Variants in PHIP observed in about 807,000 individuals in gnomAD.
The protein encoded by PHIP is PHIP subunit of CUL4-Ring ligase complex.
In PHIP, 54 loss-of-function variants were observed where a neutral mutation model predicts 236.8. That is an observed-to-expected ratio of 0.23 (90% CI 0.18 to 0.29). The LOEUF (loss-of-function observed/expected upper bound fraction) is 0.29. Ranked by LOEUF, PHIP falls within the 10% of genes least tolerant of loss-of-function variation. The pLI, the probability that PHIP is intolerant of heterozygous loss-of-function variation, is 1.00. For synonymous variants in PHIP, 756 were observed against 718.9 expected (o/e 1.05, Z -0.83); for missense variants, 1,370 against 2,190.8 (o/e 0.63, Z 7.48).
intron 4 of PHIP, chr6:79,067,566 GTTC>G (rs948005140): frequency 2.8e-4 from 43 of 152,128 alleles, no homozygotes; most frequent in African/African-American, 9.2e-4. Flanking sequence ...TCCATTGCAT[GTTC>G]TTATTTTTTA....
chr6:79,005,235 G>A (rs1298367436), intron 15 of PHIP, among the ~76,000 whole-genome samples: 1 of 151,984 alleles, frequency 6.6e-6, no homozygotes, highest in African/African-American at 2.4e-5. Flanking sequence ...TGTGAAGAAA[G>A]TTGGAGGATG....
intron 7 of PHIP, among the ~76,000 whole-genome samples, chr6:79,035,850 C>G (rs188760802): frequency 6.6e-6 from 1 of 152,110 alleles, no homozygotes; most frequent in African/African-American, 2.4e-5. Flanking sequence ...ACCAATCTAT[C>G]AGACCTGTGT....
At chr6:78,959,515 A>G (rs1279251851) in intron 31 of PHIP, among the ~76,000 whole-genome samples, 4 of 152,156 alleles carry the variant, frequency 2.6e-5, no homozygotes, top group Non-Finnish European at 5.9e-5. Flanking sequence ...ATTGAACTAG[A>G]AGTTTCACGA....
chr6:78,941,199 T>C lies in PHIP; in HGVS notation c.4960A>G (p.Ile1654Val), dbSNP rs754142588. 18 of 1,613,938 alleles carry C rather than the reference T, an allele frequency of 1.1e-5. No homozygotes were observed. The South Asian group carries it at 2.0e-4, about 18-fold the overall frequency. Residue 1654 changes from isoleucine to valine, a missense_variant, in exon 40 of 40, where the codon ATT becomes GTT. Coordinates refer to ENST00000275034, the MANE Select transcript of PHIP (RefSeq NM_017934.7). ...TTTCTACCCCTTTTCTTGTGTATAA[T>C]TTCACCACTATTGGTATTAACTTCT... is the stretch of plus-strand genomic sequence containing the variant. ...KVEVNTNSGE[I>V]IHKKRGRKPK...
intron 7 of PHIP, among the ~76,000 whole-genome samples, chr6:79,026,609 A>T (rs2127748797): frequency 6.6e-6 from 1 of 152,196 alleles, no homozygotes; most frequent in East Asian, 1.9e-4. Context: ...CCTATCACTG[A>T]TCTTCAGCTA....
intron 4 of PHIP, among the ~76,000 whole-genome samples, chr6:79,073,024 G>A (rs1301710183): frequency 6.6e-6 from 1 of 152,066 alleles, no homozygotes; most frequent in Non-Finnish European, 1.5e-5. Context: ...TTTACAGAAT[G>A]GAAAACAGAC....
At chr6:78,990,740 C>G (rs1769186841) in intron 20 of PHIP, 128 bp downstream of exon 20, 2 of 500,558 alleles carry the variant, frequency 4.0e-6, no homozygotes, top group African/African-American at 4.0e-5. Context: ...CAGAGATAAC[C>G]AAGATTTACT....
chr6:78,990,716 A>C, intron 20 of PHIP, 152 bp downstream of exon 20: 1 of 447,198 alleles, frequency 2.2e-6, no homozygotes, highest in Non-Finnish European at 3.9e-6. Flanking sequence ...TTAAATAGTA[A>C]ACAATAGATA....
At chr6:78,985,038 T>C (rs898723905) in intron 22 of PHIP, among the ~76,000 whole-genome samples, 27 of 152,178 alleles carry the variant, frequency 1.8e-4, no homozygotes, top group Admixed American at 1.5e-3. Context: ...GAGGCTTGCA[T>C]TGCTTTCTTA....
At position 79,025,865 on chromosome 6, in the gene PHIP, C is replaced by A. The variant is rs945906206; in HGVS notation, c.822+78G>T. The stretch of plus-strand genomic sequence containing the variant: ...AAAGTAACTTCTTAAAATTTAATAA[C>A]CAAAAGTGACTTCATTAAATTTACT... On this transcript the variant is annotated intron_variant, in intron 8 of 39. Transcript: ENST00000275034. 6 of 1,107,980 alleles carry A rather than the reference C, an allele frequency of 5.4e-6. No homozygotes were observed. The African/African-American group carries it at 6.3e-5, about 12-fold the overall frequency. 68.6% of individuals were successfully genotyped at this position (1,107,980 alleles called of 1,614,324 possible).
intron 24 of PHIP, among the ~76,000 whole-genome samples, chr6:78,973,502 G>A: frequency 2.0e-5 from 1 of 50,184 alleles, no homozygotes; most frequent in African/African-American, 7.2e-5. Flanking sequence ...ACATCATAAT[G>A]ACAGGATCAA....
At chr6:79,067,480 A>T (rs1773679692) in intron 4 of PHIP, among the ~76,000 whole-genome samples, 1 of 152,222 alleles carries the variant, frequency 6.6e-6, no homozygotes, top group African/African-American at 2.4e-5. Context: ...ATGTTATATT[A>T]TTTAGAGTGC....
rs576050170 is a variant in PHIP, at chr6:78,971,653, G to A, written c.2890-765C>T. Among the ~76,000 whole-genome samples, 10 of 152,214 alleles carry A rather than the reference G, an allele frequency of 6.6e-5. No homozygotes were observed. In the East Asian group the frequency reaches 7.8e-4, roughly 12 times the overall value. ...CACTAGGGAGTGCCAGACAGTGGGC[G>A]CAGGTCAGTGGGTGCGCGCACCGTG... On this transcript the variant is annotated intron_variant, in intron 24 of 39. Transcript: ENST00000275034.
At chr6:78,947,869 C>G (rs144013355) in intron 35 of PHIP, 94 bp from the exon 36 acceptor site, 12 of 783,960 alleles carry the variant, frequency 1.5e-5, no homozygotes, top group Non-Finnish European at 2.1e-5. Flanking sequence ...ATGATGACTG[C>G]AAGTCCTAGA....
chr6:78,956,306 G>C (rs1766411618), intron 32 of PHIP: 1 of 151,850 alleles, frequency 6.6e-6, no homozygotes, highest in African/African-American at 2.4e-5. Flanking sequence ...CCAATTAGTG[G>C]TCAAGGGCTG....
intron 17 of PHIP, among the ~76,000 whole-genome samples, chr6:78,998,913 A>G (rs556929023): frequency 6.6e-6 from 1 of 152,258 alleles, no homozygotes; most frequent in Non-Finnish European, 1.5e-5. Flanking sequence ...AGGGACATGA[A>G]GATCCCTACT....
At chr6:79,059,980 A>G (rs1275774174) in intron 6 of PHIP, among the ~76,000 whole-genome samples, 1 of 152,082 alleles carries the variant, frequency 6.6e-6, no homozygotes, top group Non-Finnish European at 1.5e-5. Flanking sequence ...AGTTTGGATG[A>G]TGCTGTATTA....
At chr6:79,025,828 A>G in intron 8 of PHIP, 115 bp downstream of exon 8, 2 of 802,376 alleles carry the variant, frequency 2.5e-6, no homozygotes, top group Non-Finnish European at 4.1e-6. Flanking sequence ...CTGGATTATA[A>G]AGGTGATTAT....
At position 78,982,880 on chromosome 6, in the gene PHIP, C is replaced by A; in HGVS notation, c.2769+6G>T. 1 of 1,532,902 alleles carries A rather than the reference C, an allele frequency of 6.5e-7. No homozygotes were observed. Among genetic ancestry groups the A allele is most frequent in the South Asian group, 1.2e-5 (1 of 81,474 alleles). The allele number at this position is 1,532,902 out of a possible 1,614,324, so 95.0% of individuals were successfully genotyped here. ...AACACCAAATTTGTAATGTTAAAAA[C>A]CAAACCTTTTGTTTTCTTTCTTTGG... is the stretch of plus-strand genomic sequence containing the variant. On this transcript the variant is annotated splice_donor_region_variant and intron_variant, in intron 23 of 39. Coordinates refer to ENST00000275034, the MANE Select transcript of PHIP (RefSeq NM_017934.7).
Sources: allele counts gnomAD v4.1 joint callset (sites outside exome capture counted in the v4.1 genomes callset), GRCh38; gene constraint gnomAD v4.1.1; transcripts MANE v1.5; gene names NCBI Gene and HGNC (gene_info 2026-07-23, HGNC 2026-07-21).